APLN: variants seen among roughly 807,000 people sequenced by gnomAD.
APLN encodes apelin.
Under a neutral mutation model 4.3 loss-of-function variants are expected in APLN, and 2 were observed. The observed-to-expected ratio is 0.46, with a 90% CI of 0.19 to 1.45. The LOEUF is 1.45. Among genes scored for constraint, APLN ranks in the 40% most tolerant of loss-of-function variants. APLN has a pLI of 0.25. For synonymous variants in APLN, 34 were observed against 30.4 expected, an observed-to-expected ratio of 1.12 and a Z score of -0.38; for missense variants, 80 against 70.0, an observed-to-expected ratio of 1.14 and a Z score of -0.51.
At chrX:129,652,432 G>A (rs748109849) in intron 1 of APLN, among the ~76,000 whole-genome samples, 4 of 111,661 alleles carry the variant, frequency 3.6e-5, no homozygotes, top group East Asian at 5.6e-4. Context: ...ATGCCAGTCC[G>A]GGCCAAGGAC....
intron 1 of APLN, 33 bp from the exon 2 acceptor site, chrX:129,648,825 G>A: frequency 1.8e-6 from 2 of 1,135,274 alleles, no homozygotes; most frequent in Non-Finnish European, 2.3e-6. Flanking sequence ...TAGTGAGGAA[G>A]GTTGTTGGAA....
At chrX:129,648,162 C>T (rs1936953200) in intron 2 of APLN, among the ~76,000 whole-genome samples, 1 of 111,599 alleles carries the variant, frequency 9.0e-6, no homozygotes. Context: ...TTCTTCCCTC[C>T]TTCTCACAGC....
chrX:129,654,665 G>A lies in APLN; in HGVS notation c.-35C>T. ...TGGGCCGCCGCGGCCCCGGCGAGCC[G>A]GCGCGGGGGAGGAGAGGTCGGGCGC... is the stretch of plus-strand genomic sequence containing the variant. On this transcript the variant is annotated 5_prime_UTR_variant, in exon 1 of 3. Coordinates refer to ENST00000429967, the MANE Select transcript of APLN (RefSeq NM_017413.5). 2.8e-6 allele frequency: 3 copies of A among 1,062,078 alleles called. No homozygotes were observed. The highest frequency in any genetic ancestry group is 2.5e-5 in the South Asian group (1 of 40,809). 87.5% of individuals were successfully genotyped at this position (1,062,078 alleles called of 1,213,427 possible).
At chrX:129,649,770 C>T (rs2124450124) in intron 1 of APLN, among the ~76,000 whole-genome samples, 1 of 111,297 alleles carries the variant, frequency 9.0e-6, no homozygotes, top group South Asian at 3.9e-4. Context: ...TCTGGGGCTC[C>T]TCTTTACATC....
In APLN at chrX:129,654,535, C is replaced by G. The variant is rs897446004; in HGVS notation, c.67+29G>C. 6 of 1,142,226 alleles carry G rather than the reference C, an allele frequency of 5.3e-6. No individual in the cohort carries two copies. The African/African-American group carries it at 1.1e-4, about 21-fold the overall frequency. The allele number at this position is 1,142,226 out of a possible 1,213,427, so 94.1% of individuals were successfully genotyped here. ...AGGGAAAGGAGCACGCCGGCTGCAGCCCGGGCGAGCGGGAGGGCGCGCACT... is the reference window on the plus strand; with the variant it reads ...AGGGAAAGGAGCACGCCGGCTGCAGGCCGGGCGAGCGGGAGGGCGCGCACT... On this transcript the variant is annotated intron_variant, in intron 1 of 2. Coordinates refer to ENST00000429967, the MANE Select transcript of APLN (RefSeq NM_017413.5).
rs749155361 is a variant in APLN, at chrX:129,648,673, G to A, written c.187C>T (p.Arg63Cys). 8.4e-6 allele frequency: 10 copies of A among 1,191,262 alleles called. No individual in the cohort carries two copies. Among genetic ancestry groups the A allele is most frequent in the East Asian group, 6.1e-5 (2 of 32,719 alleles). ...GPWQGGRRKF[R>C]RQRPRLSHKG... Reference sequence around the variant, plus strand: ...TGGGAGAGGCGGGGCCGCTGGCGGCGGAATTTCCTCCGACCTCCCTGCCAG... The same window carrying A: ...TGGGAGAGGCGGGGCCGCTGGCGGCAGAATTTCCTCCGACCTCCCTGCCAG... The change falls in exon 2 of 3, where the codon CGC becomes TGC. Residue 63 changes from arginine to cysteine, a missense_variant. Physicochemically the swap from Arg to Cys is radical, Grantham distance 180. Coordinates refer to ENST00000429967, the MANE Select transcript of APLN (RefSeq NM_017413.5).
chrX:129,648,913 T>C (rs1936960186), intron 1 of APLN, 121 bp from the exon 2 acceptor site: 1 of 739,870 alleles, frequency 1.4e-6, no homozygotes, highest in African/African-American at 2.2e-5. Flanking sequence ...AGATTTTCTT[T>C]GTTTCTTTTT....
At chrX:129,649,900 C>T (rs1055650926) in intron 1 of APLN, among the ~76,000 whole-genome samples, 2 of 111,088 alleles carry the variant, frequency 1.8e-5, no homozygotes, top group African/African-American at 6.6e-5. Flanking sequence ...GCATGCAGGC[C>T]GACTCTCGTG....
At chrX:129,649,827 G>A (rs1936967787) in intron 1 of APLN, among the ~76,000 whole-genome samples, 1 of 111,445 alleles carries the variant, frequency 9.0e-6, no homozygotes. Context: ...CCTGACACCA[G>A]ACTGAGCCCT....
At chrX:129,651,637 C>T (rs936750257) in intron 1 of APLN, among the ~76,000 whole-genome samples, 2 of 112,172 alleles carry the variant, frequency 1.8e-5, no homozygotes, top group Admixed American at 9.4e-5. Context: ...AACATCTCCA[C>T]GCTGAGAACC....
Position 129,647,885 on chromosome X carries a change from G to A in APLN, c.*38C>T, listed in dbSNP as rs1035704607. On this transcript the variant is annotated 3_prime_UTR_variant, in exon 3 of 3. Transcript: ENST00000429967. ...ACCAATCTATGGAGGAGACATAACC[G>A]CCGGGGGTGGGCACTTGGGGGCCCC... 4.8e-5 allele frequency: 47 copies of A among 981,207 alleles called. No homozygotes were observed. Among genetic ancestry groups the A allele is most frequent in the Non-Finnish European group, 6.2e-5 (47 of 755,800 alleles). 80.9% of individuals were successfully genotyped at this position (981,207 alleles called of 1,213,427 possible).
chrX:129,649,592 C>A (rs778649889), intron 1 of APLN, among the ~76,000 whole-genome samples: 1 of 111,498 alleles, frequency 9.0e-6, no homozygotes, highest in Non-Finnish European at 1.9e-5. Flanking sequence ...ATAAATGAAA[C>A]AATGGTCACC....
chrX:129,651,982 G>A (rs1286980250), intron 1 of APLN, among the ~76,000 whole-genome samples: 1 of 111,680 alleles, frequency 9.0e-6, no homozygotes, highest in Non-Finnish European at 1.9e-5. Context: ...TGCTCTGTCT[G>A]GTGGCCCTCT....
rs1162378554 is a variant in APLN at position 129,646,789 on chromosome X, G to A, written c.*1134C>T. On this transcript the variant is annotated 3_prime_UTR_variant, in exon 3 of 3. Transcript: ENST00000429967. Reference sequence around the variant, plus strand: ...GTTATGGAACCTTCCAGCCCAGCTGGGGGAATGGTGCAGCAGGGGTAGGTC... The same window carrying A: ...GTTATGGAACCTTCCAGCCCAGCTGAGGGAATGGTGCAGCAGGGGTAGGTC... The A allele has an allele frequency of 1.8e-5, 2 of 112,340 alleles. No homozygotes were observed. Among genetic ancestry groups the A allele is most frequent in the East Asian group, 5.6e-4 (2 of 3,540 alleles). 9.3% of individuals were successfully genotyped at this position (112,340 alleles called of 1,213,427 possible). A position where few individuals can be genotyped will look rare whatever the true frequency, so the allele number is the denominator to read the frequency against.
Position 129,647,758 on chromosome X carries a change from C to T in APLN, c.*165G>A, listed in dbSNP as rs1242450635. On this transcript the variant is annotated 3_prime_UTR_variant, in exon 3 of 3. Transcript: ENST00000429967. ...ATCATCCAAACTACAGCCAGGAGCA[C>T]GCCACTGGGGGAAGCAGGCAGGTGA... 1.9e-5 allele frequency: 19 copies of T among 980,778 alleles called. No homozygotes were observed. In the South Asian group the frequency reaches 3.0e-4, roughly 15 times the overall value. 80.8% of individuals were successfully genotyped at this position (980,778 alleles called of 1,213,427 possible). A position where few individuals can be genotyped will look rare whatever the true frequency, so the allele number is the denominator to read the frequency against.
intron 1 of APLN, among the ~76,000 whole-genome samples, chrX:129,649,180 C>A (rs964923792): frequency 1.3e-4 from 14 of 111,999 alleles, no homozygotes; most frequent in Non-Finnish European, 2.3e-4. Context: ...TCAAACATTT[C>A]AGACATATGA....
intron 1 of APLN, among the ~76,000 whole-genome samples, chrX:129,653,240 G>A (rs1226380295): frequency 8.9e-6 from 1 of 112,486 alleles, no homozygotes; most frequent in Non-Finnish European, 1.9e-5. Flanking sequence ...GAGAAGCCAG[G>A]CAGTGTTCCC....
In APLN at chrX:129,647,341, C is replaced by A. The variant is rs776366589; in HGVS notation, c.*582G>T. 39 of 228,371 alleles carry A rather than the reference C, an allele frequency of 1.7e-4. No individual in the cohort carries two copies. The highest frequency in any genetic ancestry group is 3.2e-4 in the Non-Finnish European group (39 of 121,816). 18.8% of individuals were successfully genotyped at this position (228,371 alleles called of 1,213,427 possible). A position where few individuals can be genotyped will look rare whatever the true frequency, so the allele number is the denominator to read the frequency against. On this transcript the variant is annotated 3_prime_UTR_variant, in exon 3 of 3. Transcript: ENST00000429967. Reference sequence around the variant, plus strand: ...TCCCTTAACTGAGCAAACGCTGATGCTCCACCCACTTCACCAGAGCTCCTG... The same window carrying A: ...TCCCTTAACTGAGCAAACGCTGATGATCCACCCACTTCACCAGAGCTCCTG...
Position 129,647,625 on chromosome X carries a change from C to T in APLN, c.*298G>A, listed in dbSNP as rs141937550. 2,661 of 978,818 alleles carry T rather than the reference C, an allele frequency of 2.7e-3. 8 individuals are homozygous for T. The highest frequency in any genetic ancestry group is 3.3e-3 in the Non-Finnish European group (2,455 of 754,527). The allele number at this position is 978,818 out of a possible 1,213,427, so 80.7% of individuals were successfully genotyped here. On this transcript the variant is annotated 3_prime_UTR_variant, in exon 3 of 3. Coordinates refer to ENST00000429967, the MANE Select transcript of APLN (RefSeq NM_017413.5). ...TAGATGAGACAGGCAGGGACTAGGG[C>T]GGAGGGGACCTGGAGAAGAAGGGAG... is the stretch of plus-strand genomic sequence containing the variant.
Sources: allele counts gnomAD v4.1 joint callset (sites outside exome capture counted in the v4.1 genomes callset), GRCh38; gene constraint gnomAD v4.1.1; transcripts MANE v1.5; gene names NCBI Gene and HGNC (gene_info 2026-07-23, HGNC 2026-07-21).